PTCD1: variants seen among roughly 807,000 people sequenced by gnomAD.
PTCD1 encodes the protein pentatricopeptide repeat domain 1, also known as pentatricopeptide repeat-containing protein 1, mitochondrial.
Under a neutral mutation model 53.4 loss-of-function variants are expected in PTCD1, and 50 were observed. The observed-to-expected ratio is 0.94, with a 90% confidence interval of 0.75 to 1.19. The LOEUF (loss-of-function observed/expected upper bound fraction) is 1.19. Ranked by LOEUF, PTCD1 falls within the 50% of genes most tolerant of loss-of-function variation. The pLI is 0.00. For missense variants in PTCD1, 918 were observed against 904.8 expected (o/e 1.01, Z -0.19); for synonymous variants, 413 against 394.8 (o/e 1.05, Z -0.55).
chr7:99,431,689 C>T (rs762086629), intron 3 of PTCD1, among the ~76,000 whole-genome samples: 9 of 151,982 alleles, frequency 5.9e-5, no homozygotes, highest in Non-Finnish European at 1.2e-4. Context: ...TCCAGTGAGC[C>T]GAGGTCGCAC....
chr7:99,426,667 TG>T (rs1230695619), intron 5 of PTCD1, among the ~76,000 whole-genome samples: 3 of 143,134 alleles, frequency 2.1e-5, no homozygotes, highest in African/African-American at 7.9e-5. Context: ...CCCCTCTGCC[TG>T]GCTGCCCAGT....
chr7:99,419,379 C>T lies in PTCD1; in HGVS notation c.*588G>A, dbSNP rs781090135. ...CGCAGTGGCATCGTCTCACTGTCCT[C>T]CTCCGTTGCAGGGCCGCATCATCGA... On this transcript the variant is annotated 3_prime_UTR_variant, in exon 8 of 8. Transcript: ENST00000292478. 3.7e-6 allele frequency: 6 copies of T among 1,613,016 alleles called. No individual in the cohort carries two copies. The highest frequency in any genetic ancestry group is 4.5e-5 in the East Asian group (2 of 44,872).
chr7:99,426,339 G>A (rs940097164), intron 5 of PTCD1, among the ~76,000 whole-genome samples: 4 of 152,176 alleles, frequency 2.6e-5, no homozygotes, highest in African/African-American at 7.2e-5. Flanking sequence ...GCAGGCGCGC[G>A]CCACCACGCC....
At chr7:99,434,378 G>A (rs1417299088) in intron 2 of PTCD1, among the ~76,000 whole-genome samples, 1 of 152,162 alleles carries the variant, frequency 6.6e-6, no homozygotes, top group African/African-American at 2.4e-5. Context: ...TTCCCCAGGA[G>A]GCGGAGGCTG....
At chr7:99,420,943 T>C (rs1201061325) in intron 7 of PTCD1, among the ~76,000 whole-genome samples, 1 of 149,118 alleles carries the variant, frequency 6.7e-6, no homozygotes, top group Non-Finnish European at 1.5e-5. Context: ...CAAGACTCCA[T>C]CTCAAAAAAA....
intron 4 of PTCD1, 140 bp downstream of exon 4, chr7:99,429,448 C>A: frequency 7.5e-7 from 1 of 1,325,162 alleles, no homozygotes; most frequent in Non-Finnish European, 1.1e-6. Flanking sequence ...TCAGATCCAT[C>A]TGTGAACCCC....
At chr7:99,431,523 CTT>C (rs375490125) in intron 3 of PTCD1, among the ~76,000 whole-genome samples, 7 of 152,208 alleles carry the variant, frequency 4.6e-5, no homozygotes, top group African/African-American at 1.7e-4. Flanking sequence ...GGGTGGACCA[CTT>C]GAGGTCAAGA....
At position 99,434,721 on chromosome 7, in the gene PTCD1, A is replaced by AC. The variant is rs1381380984; in HGVS notation, c.453+68dup. 79 of 1,596,188 alleles carry AC rather than the reference A, an allele frequency of 4.9e-5. No individual in the cohort carries two copies. The East Asian group carries it at 6.2e-4, about 13-fold the overall frequency. On this transcript the variant is annotated intron_variant, in intron 2 of 7. Coordinates refer to ENST00000292478, the MANE Select transcript of PTCD1 (RefSeq NM_015545.4). ...ACTTAGAGGCTGGGAAAGTCAGGTG[A>AC]CCCCTTGCAAAACACTGAGCCACCA...
chr7:99,437,639 G>A (rs1256734179), intron 1 of PTCD1, among the ~76,000 whole-genome samples: 3 of 152,090 alleles, frequency 2.0e-5, no homozygotes, highest in African/African-American at 7.2e-5. Context: ...ATAAATGTAA[G>A]TGACAGCTTA....
rs1795609451 is a variant in PTCD1 at position 99,418,114 on chromosome 7, T to C, written c.*1853A>G. On this transcript the variant is annotated 3_prime_UTR_variant, in exon 8 of 8. Transcript: ENST00000292478. ...TCCTGAGTAGCTGGGACTACAGGCA[T>C]GCACCACCACGCCTGGCTAATTTTG... 2.6e-6 allele frequency: 1 copy of C among 389,228 alleles called. No homozygotes were observed. 24.1% of individuals were successfully genotyped at this position (389,228 alleles called of 1,614,324 possible).
intron 3 of PTCD1, 34 bp from the exon 4 acceptor site, chr7:99,429,840 G>A: frequency 6.2e-7 from 1 of 1,611,778 alleles, no homozygotes; most frequent in African/African-American, 1.3e-5. Context: ...TGGTGGCCCG[G>A]GATCAGCTGG....
At chr7:99,420,855 G>C (rs1200042152) in intron 7 of PTCD1, among the ~76,000 whole-genome samples, 1 of 152,118 alleles carries the variant, frequency 6.6e-6, no homozygotes, top group African/African-American at 2.4e-5. Flanking sequence ...GTTAAGGCAG[G>C]AGAATGGCTT....
Position 99,423,899 on chromosome 7 carries a change from C to A in PTCD1, c.1796G>T (p.Arg599Met), listed in dbSNP as rs1395337852. 5.0e-6 allele frequency: 8 copies of A among 1,614,060 alleles called. No homozygotes were observed. The highest frequency in any genetic ancestry group is 6.8e-6 in the Non-Finnish European group (8 of 1,180,032). ...IYSALINAAI[R>M]KLNYTYLISI... ...GATGAGATAGGTGTAGTTCAGCTTCCTGATGGCCGCGTTGATGAGGGCACT... is the reference window on the plus strand; with the variant it reads ...GATGAGATAGGTGTAGTTCAGCTTCATGATGGCCGCGTTGATGAGGGCACT... The change falls in exon 7 of 8, where the codon AGG becomes ATG. Residue 599 changes from arginine (R) to methionine (M), a missense_variant. Coordinates refer to ENST00000292478, the MANE Select transcript of PTCD1 (RefSeq NM_015545.4).
intron 7 of PTCD1, among the ~76,000 whole-genome samples, chr7:99,420,550 A>G (rs767021048): frequency 1.3e-5 from 2 of 152,226 alleles, no homozygotes; most frequent in South Asian, 2.1e-4. Context: ...GATAGGCTCC[A>G]TGAGATATGG....
intron 7 of PTCD1, among the ~76,000 whole-genome samples, chr7:99,421,546 C>T (rs1795819702): frequency 6.6e-6 from 1 of 150,452 alleles, no homozygotes; most frequent in African/African-American, 2.5e-5. Flanking sequence ...AGTTCAAGAC[C>T]AGCCTGGCCA....
At chr7:99,423,716 G>C (rs193284423) in intron 7 of PTCD1, 59 bp downstream of exon 7, 11 of 1,609,562 alleles carry the variant, frequency 6.8e-6, no homozygotes, top group Middle Eastern at 2.2e-4. Context: ...GTTGGGTGGT[G>C]GGGGGAGGGG....
chr7:99,427,241 G>A lies in PTCD1; in HGVS notation c.916-1625C>T, dbSNP rs536460883. ...CGGGAGGTGAGGGGCACCTCTGCCC[G>A]GCTGCCCCTACTGGGAAGTGAGGAG... is the stretch of plus-strand genomic sequence containing the variant. On this transcript the variant is annotated intron_variant, in intron 5 of 7. Coordinates refer to ENST00000292478, the MANE Select transcript of PTCD1 (RefSeq NM_015545.4). Among the ~76,000 whole-genome samples the A allele has an allele frequency of 4.1e-3, 581 of 140,234 alleles. 5 individuals are homozygous for A. The highest frequency in any genetic ancestry group is 0.014 in the African/African-American group (533 of 37,438). The allele number at this position is 140,234 out of a possible 152,430, so 92.0% of individuals were successfully genotyped here.
rs1309392400 is a variant in PTCD1, at chr7:99,424,847, GC to G, written c.1684del (p.Ala562ProfsTer17). 2 of 1,614,256 alleles carry G rather than the reference GC, an allele frequency of 1.2e-6. No homozygotes were observed. The highest frequency in any genetic ancestry group is 2.2e-5 in the South Asian group (2 of 91,090). ...GTCCTTCGGCCTGTGGCACCCGATG[GC>G]CAGGTTGCAGAATGTCTGCAGGTTG... Reference protein sequence around the residue: ...VPNLQTFCNLAIGCHRPKDGL... With the variant: ...VPNLQTFCNLXIGCHRPKDGL... On this transcript the variant is annotated frameshift_variant, in exon 6 of 8. Transcript: ENST00000292478. LOFTEE classifies it high-confidence loss of function.
At chr7:99,433,502 C>A in intron 2 of PTCD1, 84 bp from the exon 3 acceptor site, 1 of 1,608,778 alleles carries the variant, frequency 6.2e-7, no homozygotes, top group Non-Finnish European at 8.5e-7. Flanking sequence ...GCTGAGGGAC[C>A]CTCCTAAAAT....
Sources: gnomAD v4.1 joint callset for allele counts (sites outside exome capture counted in the v4.1 genomes callset) on GRCh38, gnomAD v4.1.1 for gene constraint, MANE v1.5 for transcripts, NCBI Gene and HGNC (gene_info 2026-07-23, HGNC 2026-07-21) for gene names.